The following CADPS2 variants were observed in gnomAD, a reference collection of about 807,000 sequenced individuals.
CADPS2 encodes calcium-dependent secretion activator 2.
CADPS2 carries 93 observed loss-of-function variants against 172.5 expected under a neutral mutation model. The observed-to-expected ratio is 0.54, with a 90% CI of 0.46 to 0.64. The LOEUF (loss-of-function observed/expected upper bound fraction) is 0.64. Among genes scored for constraint, CADPS2 ranks in the 30% least tolerant of loss-of-function variants. CADPS2 has a pLI of 0.00. For missense variants in CADPS2, 1,420 were observed against 1,565.9 expected (o/e 0.91, Z 1.57); for synonymous variants, 546 against 555.2 (o/e 0.98, Z 0.23).
intron 9 of CADPS2, among the ~76,000 whole-genome samples, chr7:122,505,131 T>C (rs891934334): frequency 5.3e-5 from 8 of 152,230 alleles, no homozygotes; most frequent in African/African-American, 1.4e-4. Flanking sequence ...CATGTTCATA[T>C]TGTCATGTGT....
At chr7:122,811,598 T>A (rs1800034003) in intron 1 of CADPS2, among the ~76,000 whole-genome samples, 1 of 152,142 alleles carries the variant, frequency 6.6e-6, no homozygotes, top group Non-Finnish European at 1.5e-5. Flanking sequence ...AGGTTTTCAG[T>A]CACCAATAAT....
intron 2 of CADPS2, among the ~76,000 whole-genome samples, chr7:122,720,803 T>C (rs2090305575): frequency 6.6e-6 from 1 of 151,908 alleles, no homozygotes; most frequent in Non-Finnish European, 1.5e-5. Context: ...ACGATGAGAG[T>C]TAACAAGTAG....
At chr7:122,826,306 GA>G (rs1748469761) in intron 1 of CADPS2, among the ~76,000 whole-genome samples, 1 of 152,182 alleles carries the variant, frequency 6.6e-6, no homozygotes, top group African/African-American at 2.4e-5. Flanking sequence ...CTTTCTCATG[GA>G]AAATGCTGCT....
chr7:122,641,877 T>C (rs1416425600), intron 3 of CADPS2, among the ~76,000 whole-genome samples: 1 of 147,902 alleles, frequency 6.8e-6, no homozygotes, highest in Non-Finnish European at 1.5e-5. Context: ...AAAAAAAAAG[T>C]AAAAATAGTA....
At chr7:122,608,091 TCTGTAGTCCCAGCTA>T (rs1021464924) in intron 6 of CADPS2, among the ~76,000 whole-genome samples, 1 of 151,828 alleles carries the variant, frequency 6.6e-6, no homozygotes, top group Admixed American at 6.6e-5. Context: ...GTGGTGCATG[TCTGTAGTCCCAGCTA>T]CTCAAGAGGC....
chr7:122,678,376 T>C (rs776160085), intron 2 of CADPS2, among the ~76,000 whole-genome samples: 1 of 152,228 alleles, frequency 6.6e-6, no homozygotes, highest in Non-Finnish European at 1.5e-5. Context: ...ACCAACTCAC[T>C]GAGACTGTGC....
chr7:122,749,961 T>TAAA (rs34910927), intron 1 of CADPS2, among the ~76,000 whole-genome samples: 1 of 133,948 alleles, frequency 7.5e-6, no homozygotes, highest in Non-Finnish European at 1.6e-5. Flanking sequence ...CCTGTGAGGT[T>TAAA]AAAAAAAAAA....
At chr7:122,367,268 A>T (rs994320976) in intron 25 of CADPS2, among the ~76,000 whole-genome samples, 4 of 152,150 alleles carry the variant, frequency 2.6e-5, no homozygotes, top group African/African-American at 9.7e-5. Flanking sequence ...CCAGGGGAAA[A>T]TATTCTAAGT....
chr7:122,371,313 T>C (rs1023778381), intron 25 of CADPS2, among the ~76,000 whole-genome samples: 2 of 152,194 alleles, frequency 1.3e-5, no homozygotes, highest in Non-Finnish European at 2.9e-5. Context: ...AGAAGTTTAA[T>C]TGACTTATAG....
intron 8 of CADPS2, among the ~76,000 whole-genome samples, chr7:122,528,936 A>G (rs2061513889): frequency 6.6e-6 from 1 of 152,024 alleles, no homozygotes; most frequent in Non-Finnish European, 1.5e-5. Context: ...TTCTTTTTAC[A>G]TTTTTGAAAA....
intron 3 of CADPS2, among the ~76,000 whole-genome samples, chr7:122,635,657 A>T (rs2077002522): frequency 1.3e-5 from 2 of 151,964 alleles, no homozygotes; most frequent in African/African-American, 4.8e-5. Context: ...TATGTGCCAC[A>T]TTTTCTTAAT....
chr7:122,857,357 T>C (rs770709767), intron 1 of CADPS2, among the ~76,000 whole-genome samples: 10 of 152,094 alleles, frequency 6.6e-5, no homozygotes, highest in Non-Finnish European at 1.0e-4. Flanking sequence ...GGTCTGGAGA[T>C]GTATGAGTAA....
At chr7:122,698,537 T>C in intron 2 of CADPS2, 1 of 1,614,054 alleles carries the variant, frequency 6.2e-7, no homozygotes, top group South Asian at 1.1e-5. Context: ...TTATAGATGA[T>C]CACTCCACTG....
rs186872624 is a variant in CADPS2, at chr7:122,652,795, T to G, written c.786+10442A>C. 5.4e-3 allele frequency among the ~76,000 whole-genome samples: 817 copies of G among 152,322 alleles called. 3 individuals are homozygous for G. Among genetic ancestry groups the G allele is most frequent in the Non-Finnish European group, 8.0e-3 (546 of 68,020 alleles). ...CACAATAGCTAATCTAGGTGCTACT[T>G]ACATTGTTTTTATTCTTTTTTATGT... On this transcript the variant is annotated intron_variant, in intron 3 of 29. Transcript: ENST00000449022.
chr7:122,777,051 T>C (rs2093906302), intron 1 of CADPS2, among the ~76,000 whole-genome samples: 1 of 152,132 alleles, frequency 6.6e-6, no homozygotes, highest in East Asian at 1.9e-4. Context: ...CTCACGAGGT[T>C]GAGGCAGAAA....
chr7:122,645,435 GTATATATACACACACA>G (rs2078320813), intron 3 of CADPS2, among the ~76,000 whole-genome samples: 3 of 86,882 alleles, frequency 3.5e-5, no homozygotes, highest in Admixed American at 1.2e-4. Flanking sequence ...GTGTATATAT[GTATATATACACACACA>G]TATGTATATA....
At chr7:122,459,784 A>G (rs2054228492) in intron 14 of CADPS2, among the ~76,000 whole-genome samples, 1 of 152,246 alleles carries the variant, frequency 6.6e-6, no homozygotes, top group African/African-American at 2.4e-5. Flanking sequence ...TACTCAATCA[A>G]TATTTATGGA....
At chr7:122,440,337 T>C (rs1369770311) in intron 16 of CADPS2, 1 of 152,164 alleles carries the variant, frequency 6.6e-6, no homozygotes, top group Middle Eastern at 3.2e-3. Context: ...CACGATGGGA[T>C]GTTGTTCCAA....
intron 17 of CADPS2, among the ~76,000 whole-genome samples, chr7:122,422,472 A>G (rs2048638113): frequency 1.3e-5 from 2 of 152,156 alleles, no homozygotes; most frequent in South Asian, 2.1e-4. Flanking sequence ...TCTCCCCACT[A>G]AAGGAGATAG....
Sources: gnomAD v4.1 joint callset for allele counts (sites outside exome capture counted in the v4.1 genomes callset) on GRCh38, gnomAD v4.1.1 for gene constraint, MANE v1.5 for transcripts, NCBI Gene and HGNC (gene_info 2026-07-23, HGNC 2026-07-21) for gene names.